SLC35F1: variants seen among roughly 807,000 people sequenced by gnomAD.
The protein encoded by SLC35F1 is chromosome 6 open reading frame 169.
SLC35F1 carries 14 observed loss-of-function variants against 48.7 expected under a neutral mutation model. That is an observed-to-expected ratio of 0.29 (90% confidence interval 0.19 to 0.45). The LOEUF (loss-of-function observed/expected upper bound fraction) is 0.45. Among genes scored for constraint, SLC35F1 ranks in the 20% least tolerant of loss-of-function variants. SLC35F1 has a pLI of 1.00. For missense variants in SLC35F1, 404 were observed against 500.0 expected (o/e 0.81, Z 1.83); for synonymous variants, 190 against 202.2 (o/e 0.94, Z 0.51).
intron 1 of SLC35F1, among the ~76,000 whole-genome samples, chr6:117,932,283 G>T (rs772124824): frequency 8.5e-5 from 13 of 152,132 alleles, no homozygotes; most frequent in Non-Finnish European, 1.3e-4. Flanking sequence ...TCAGAATATG[G>T]TATTTTGTTA....
chr6:117,986,846 G>A (rs1211298075), intron 1 of SLC35F1, among the ~76,000 whole-genome samples: 1 of 152,178 alleles, frequency 6.6e-6, no homozygotes, highest in Non-Finnish European at 1.5e-5. Flanking sequence ...AGCTCCTACT[G>A]CTGGAGATGA....
intron 1 of SLC35F1, among the ~76,000 whole-genome samples, chr6:118,079,776 TC>T (rs1772877931): frequency 6.6e-6 from 1 of 152,118 alleles, no homozygotes; most frequent in South Asian, 2.1e-4. Flanking sequence ...GTTCTGTTAT[TC>T]CCCCTAACCT....
rs555033019 is a variant in SLC35F1, at chr6:117,995,741, G to A, written c.173+87842G>A. ...GGGTTACAGAGCAAGACTCTGTCTC[G>A]AAAAAATAAATAAATGAAATAAATA... On this transcript the variant is annotated intron_variant, in intron 1 of 7. Coordinates refer to ENST00000360388, the MANE Select transcript of SLC35F1 (RefSeq NM_001029858.4). Among the ~76,000 whole-genome samples, 318 of 151,660 alleles carry A rather than the reference G, an allele frequency of 2.1e-3. 1 individual carries two copies. The highest frequency in any genetic ancestry group is 6.8e-3 in the African/African-American group (282 of 41,374).
chr6:118,237,273 C>A lies in SLC35F1; in HGVS notation c.477+1637C>A, dbSNP rs188255738. On this transcript the variant is annotated intron_variant, in intron 3 of 7. Coordinates refer to ENST00000360388, the MANE Select transcript of SLC35F1 (RefSeq NM_001029858.4). ...TATGATTAAGCCATCACCTAGGACT[C>A]CCCCAGTTACATTTTCTTTATTTTG... 1.2e-3 allele frequency among the ~76,000 whole-genome samples: 189 copies of A among 152,066 alleles called. 3 individuals are homozygous for A. The highest frequency in any genetic ancestry group is 0.011 in the Admixed American group (162 of 15,256).
At chr6:118,077,870 A>G (rs1772845236) in intron 1 of SLC35F1, among the ~76,000 whole-genome samples, 1 of 152,236 alleles carries the variant, frequency 6.6e-6, no homozygotes, top group Non-Finnish European at 1.5e-5. Flanking sequence ...CCATAAATGT[A>G]TTACTTAAAC....
chr6:118,265,301 T>G (rs770492071), intron 3 of SLC35F1, among the ~76,000 whole-genome samples: 8 of 152,204 alleles, frequency 5.3e-5, no homozygotes, highest in Admixed American at 3.9e-4. Context: ...TTCTGGTCAT[T>G]AAAAATCTTT....
At chr6:117,958,542 C>A (rs1230011838) in intron 1 of SLC35F1, among the ~76,000 whole-genome samples, 2 of 152,060 alleles carry the variant, frequency 1.3e-5, no homozygotes, top group African/African-American at 4.8e-5. Context: ...TTTTTCTGTA[C>A]CTTTTCTATA....
At chr6:118,118,605 T>C (rs1287380822) in intron 1 of SLC35F1, among the ~76,000 whole-genome samples, 2 of 152,244 alleles carry the variant, frequency 1.3e-5, no homozygotes, top group Admixed American at 1.3e-4. Flanking sequence ...GTATATTTTG[T>C]GAGACATCTC....
chr6:117,952,655 G>C (rs1414827314), intron 1 of SLC35F1, among the ~76,000 whole-genome samples: 1 of 152,126 alleles, frequency 6.6e-6, no homozygotes, highest in East Asian at 1.9e-4. Flanking sequence ...CGAGACTGGA[G>C]ACAGATTCTT....
At chr6:118,235,893 G>A (rs1016682915) in intron 3 of SLC35F1, among the ~76,000 whole-genome samples, 1 of 151,938 alleles carries the variant, frequency 6.6e-6, no homozygotes, top group Non-Finnish European at 1.5e-5. Flanking sequence ...TTGGACATAT[G>A]TTTTCTCTTT....
intron 1 of SLC35F1, among the ~76,000 whole-genome samples, chr6:117,939,891 A>G (rs1025090270): frequency 2.6e-5 from 4 of 152,148 alleles, no homozygotes; most frequent in African/African-American, 9.7e-5. Flanking sequence ...GGGTCCTCAC[A>G]CACTTTTCCT....
chr6:118,271,325 C>CACTTAGTCCT (rs1775849196), intron 4 of SLC35F1, among the ~76,000 whole-genome samples: 1 of 152,142 alleles, frequency 6.6e-6, no homozygotes, highest in Admixed American at 6.5e-5. Flanking sequence ...TTTGCTGTAA[C>CACTTAGTCCT]ACTTAGTCCT....
At chr6:118,039,802 T>TTTTG (rs1772186197) in intron 1 of SLC35F1, among the ~76,000 whole-genome samples, 1 of 145,734 alleles carries the variant, frequency 6.9e-6, no homozygotes, top group Non-Finnish European at 1.5e-5. Context: ...CAGGATTGTT[T>TTTTG]TTTTTGTTTT....
intron 1 of SLC35F1, among the ~76,000 whole-genome samples, chr6:118,095,398 A>G (rs754377094): frequency 5.9e-5 from 9 of 152,316 alleles, no homozygotes; most frequent in Admixed American, 1.3e-4. Context: ...CATGTTCTTT[A>G]TCTGTACAGT....
chr6:118,139,574 G>A (rs1773852678), intron 1 of SLC35F1, among the ~76,000 whole-genome samples: 1 of 152,164 alleles, frequency 6.6e-6, no homozygotes, highest in African/African-American at 2.4e-5. Flanking sequence ...TGACTTTCCA[G>A]GAAGGCCATA....
At chr6:118,304,124 G>C (rs1421659661) in intron 7 of SLC35F1, among the ~76,000 whole-genome samples, 1 of 152,090 alleles carries the variant, frequency 6.6e-6, no homozygotes, top group Non-Finnish European at 1.5e-5. Context: ...TATGCTCATG[G>C]GTGCTCAAAC....
At chr6:118,269,968 T>G (rs1013924028) in intron 4 of SLC35F1, among the ~76,000 whole-genome samples, 3 of 152,034 alleles carry the variant, frequency 2.0e-5, no homozygotes, top group Admixed American at 2.0e-4. Context: ...TTTAACGTTA[T>G]AGTGAGCTAT....
At chr6:118,285,106 C>G in intron 6 of SLC35F1, 78 bp from the exon 7 acceptor site, 1 of 1,512,418 alleles carries the variant, frequency 6.6e-7, no homozygotes, top group Non-Finnish European at 9.1e-7. Context: ...GTGCACTCTT[C>G]CCCTTCTTTC....
intron 1 of SLC35F1, among the ~76,000 whole-genome samples, chr6:118,042,975 G>A (rs537081240): frequency 6.6e-6 from 1 of 152,148 alleles, no homozygotes; most frequent in Non-Finnish European, 1.5e-5. Context: ...GGAAATTCCT[G>A]CAGCGCACCC....
Sources: allele counts gnomAD v4.1 joint callset (sites outside exome capture counted in the v4.1 genomes callset), GRCh38; gene constraint gnomAD v4.1.1; transcripts MANE v1.5; gene names NCBI Gene and HGNC (gene_info 2026-07-23, HGNC 2026-07-21).